PLD6: variants seen among roughly 807,000 people sequenced by gnomAD.
The protein encoded by PLD6 is phospholipase D family member 6, also known as mitochondrial cardiolipin hydrolase.
Under a neutral mutation model 9.7 loss-of-function variants are expected in PLD6, and 10 were observed. The observed-to-expected ratio is 1.03, with a 90% CI of 0.64 to 1.75. The LOEUF is 1.75. Ranked by LOEUF, PLD6 falls within the 40% of genes most tolerant of loss-of-function variation. The pLI, the probability that PLD6 is intolerant of heterozygous loss-of-function variation, is 0.00. For synonymous variants in PLD6, 152 were observed against 159.2 expected (o/e 0.96, Z 0.34); for missense variants, 334 against 347.6 (o/e 0.96, Z 0.31).
chr17:17,206,091 G>A lies in PLD6; in HGVS notation c.196C>T (p.Pro66Ser), dbSNP rs767216639. ...GGCAGGCCGCACGGGCAGCCCTCGG[G>A]GAGCTCGGCCAGCTCCGCGCCCGGA... The part of the protein sequence containing the change: ...RAPGAELAEL[P>S]EGCPCGLPHG... Residue 66 changes from proline (P) to serine (S), a missense_variant, in exon 1 of 2, where the codon CCC becomes TCC. By Grantham distance (74) the Pro-to-Ser change is moderately conservative. Coordinates refer to ENST00000321560, the MANE Select transcript of PLD6 (RefSeq NM_178836.4). 4.0e-6 allele frequency: 6 copies of A among 1,490,000 alleles called. No homozygotes were observed. The highest frequency in any genetic ancestry group is 2.3e-5 in the Admixed American group (1 of 43,342). The allele number at this position is 1,490,000 out of a possible 1,614,324, so 92.3% of individuals were successfully genotyped here. A position where few individuals can be genotyped will look rare whatever the true frequency, so the allele number is the denominator to read the frequency against.
Position 17,206,282 on chromosome 17 carries a change from C to CCCATGCCGCCGCTAATCCGGGACCCACAG in PLD6, c.-25_4dup (p.Gly2AlafsTer13), listed in dbSNP as rs751607906. The CCCATGCCGCCGCTAATCCGGGACCCACAG allele has an allele frequency of 1.4e-4, 208 of 1,533,052 alleles. No individual in the cohort carries two copies. Among genetic ancestry groups the CCCATGCCGCCGCTAATCCGGGACCCACAG allele is most frequent in the Non-Finnish European group, 1.8e-4 (204 of 1,151,462 alleles). The allele number at this position is 1,533,052 out of a possible 1,614,324, so 95.0% of individuals were successfully genotyped here. A position where few individuals can be genotyped will look rare whatever the true frequency, so the allele number is the denominator to read the frequency against. On this transcript the variant is annotated frameshift_variant, in exon 1 of 2. Transcript: ENST00000321560. LOFTEE classifies it high-confidence loss of function. ...GGCCGCCACCTGCCAACTCAACCGT[C>CCCATGCCGCCGCTAATCCGGGACCCACAG]CCATGCCGCCGCTAATCCGGGACCC...
At chr17:17,205,738 A>T (rs758613218) in intron 1 of PLD6, 122 bp downstream of exon 1, 457 of 1,171,402 alleles carry the variant, frequency 3.9e-4, no homozygotes, top group Non-Finnish European at 3.7e-4. Flanking sequence ...CCACAAGGCC[A>T]CGAGGAAAGT....
In PLD6 at chr17:17,206,312, C is replaced by A; in HGVS notation, c.-26G>T. The A allele has an allele frequency of 1.0e-5, 15 of 1,501,654 alleles. No homozygotes were observed. Among genetic ancestry groups the A allele is most frequent in the Non-Finnish European group, 1.3e-5 (15 of 1,136,286 alleles). 93.0% of individuals were successfully genotyped at this position (1,501,654 alleles called of 1,614,324 possible). On this transcript the variant is annotated 5_prime_UTR_variant, in exon 1 of 2. Coordinates refer to ENST00000321560, the MANE Select transcript of PLD6 (RefSeq NM_178836.4). Reference sequence around the variant, plus strand: ...GCCGCCGCTAATCCGGGACCCACAGCCACGCCGCCGCAGCGGAGTCTGCGC... The same window carrying A: ...GCCGCCGCTAATCCGGGACCCACAGACACGCCGCCGCAGCGGAGTCTGCGC...
chr17:17,205,476 A>T (rs1023012108), intron 1 of PLD6, among the ~76,000 whole-genome samples: 2 of 152,166 alleles, frequency 1.3e-5, no homozygotes, highest in African/African-American at 4.8e-5. Context: ...GATCTCCGGC[A>T]GCGTAGGAGG....
intron 1 of PLD6, among the ~76,000 whole-genome samples, chr17:17,203,337 G>C (rs909073336): frequency 2.0e-5 from 3 of 152,204 alleles, no homozygotes; most frequent in African/African-American, 7.2e-5. Flanking sequence ...GCAGGCCGTG[G>C]TCTGGGTGAG....
At position 17,202,766 on chromosome 17, in the gene PLD6, G is replaced by C. The variant is rs770101410; in HGVS notation, c.*1C>G. The C allele has an allele frequency of 2.2e-5, 35 of 1,611,400 alleles. No homozygotes were observed. Among genetic ancestry groups the C allele is most frequent in the Non-Finnish European group, 2.9e-5 (34 of 1,178,382 alleles). On this transcript the variant is annotated 3_prime_UTR_variant, in exon 2 of 2. Transcript: ENST00000321560. ...CAGGGAGGGCTCAGCCCCATTCTTGGTTAGGTTTGGCTTTCGCTGGAGGTG... is the reference window on the plus strand; with the variant it reads ...CAGGGAGGGCTCAGCCCCATTCTTGCTTAGGTTTGGCTTTCGCTGGAGGTG...
At chr17:17,203,813 T>C (rs1419830949) in intron 1 of PLD6, among the ~76,000 whole-genome samples, 1 of 152,212 alleles carries the variant, frequency 6.6e-6, no homozygotes, top group Non-Finnish European at 1.5e-5. Context: ...TGGAACACAG[T>C]TGCCAGATTT....
At position 17,202,822 on chromosome 17, in the gene PLD6, C is replaced by T; in HGVS notation, c.704G>A (p.Gly235Glu). ...AGTTCTGTGCCATGAAAGCAATCTC[C>T]CTCCAGCTCTGGAGACAGGTGGGGC... ...SCAPPVSRAG[G>E]RLLSWHRTCG... The change falls in exon 2 of 2, where the codon GGG becomes GAG. Residue 235 changes from glycine (G) to glutamate (E), a missense_variant. Coordinates refer to ENST00000321560, the MANE Select transcript of PLD6 (RefSeq NM_178836.4). 6.2e-7 allele frequency: 1 copy of T among 1,614,166 alleles called. No individual in the cohort carries two copies. Among genetic ancestry groups the T allele is most frequent in the South Asian group, 1.1e-5 (1 of 91,084 alleles).
chr17:17,203,560 T>G (rs1386287574), intron 1 of PLD6, among the ~76,000 whole-genome samples: 2 of 142,850 alleles, frequency 1.4e-5, no homozygotes, highest in African/African-American at 5.3e-5. Context: ...TGGCACAACC[T>G]CGGCCACCAA....
rs1000032971 is a variant in PLD6 at position 17,202,051 on chromosome 17, T to C, written c.*716A>G. The C allele has an allele frequency of 1.3e-5, 2 of 152,274 alleles. No individual in the cohort carries two copies. Among genetic ancestry groups the C allele is most frequent in the African/African-American group, 4.8e-5 (2 of 41,472 alleles). The allele number at this position is 152,274 out of a possible 1,614,324, so 9.4% of individuals were successfully genotyped here. On this transcript the variant is annotated 3_prime_UTR_variant, in exon 2 of 2. Transcript: ENST00000321560. ...AAAAGCCCAACATAGAAACAGCTGC[T>C]GGCCATCAGTCCTGACAGACCACAG...
Position 17,206,017 on chromosome 17 carries a change from G to C in PLD6, c.270C>G (p.Ala90=). ...LSRLLRALLA[A]RASLDLCLFA... is the part of the protein sequence containing the mutation. ...ACAGGCAGAGATCCAGGCTGGCGCG[G>C]GCGGCCAGCAGGGCACGCAGCAGGC... Residue 90 remains alanine, a synonymous_variant, in exon 1 of 2, where the codon GCC becomes GCG. Coordinates refer to ENST00000321560, the MANE Select transcript of PLD6 (RefSeq NM_178836.4). 6.5e-7 allele frequency: 1 copy of C among 1,544,010 alleles called. No homozygotes were observed. The highest frequency in any genetic ancestry group is 8.7e-7 in the Non-Finnish European group (1 of 1,148,218).
At chr17:17,203,619 G>T (rs2046692937) in intron 1 of PLD6, among the ~76,000 whole-genome samples, 2 of 152,038 alleles carry the variant, frequency 1.3e-5, no homozygotes, top group Admixed American at 1.3e-4. Context: ...CTCCTCTTCC[G>T]CACCCCCCTG....
At chr17:17,203,144 C>T (rs756079987) in intron 1 of PLD6, 46 bp from the exon 2 acceptor site, 3 of 1,571,566 alleles carry the variant, frequency 1.9e-6, no homozygotes, top group Non-Finnish European at 2.6e-6. Flanking sequence ...GAGTCCCGCC[C>T]CCAGTGTGGA....
rs1378520125 is a variant in PLD6 at position 17,202,660 on chromosome 17, G to A, written c.*107C>T. On this transcript the variant is annotated 3_prime_UTR_variant, in exon 2 of 2. Coordinates refer to ENST00000321560, the MANE Select transcript of PLD6 (RefSeq NM_178836.4). ...TCCTAACCTTCTTTAGTTCAATTTA[G>A]TATTCTAATAGACGAGACTTTAGTT... 1.8e-6 allele frequency: 2 copies of A among 1,082,486 alleles called. No homozygotes were observed. The allele number at this position is 1,082,486 out of a possible 1,614,324, so 67.1% of individuals were successfully genotyped here. A position where few individuals can be genotyped will look rare whatever the true frequency, so the allele number is the denominator to read the frequency against.
Position 17,202,950 on chromosome 17 carries a change from G to C in PLD6, c.576C>G (p.Asp192Glu), listed in dbSNP as rs150565127. 6 of 1,614,032 alleles carry C rather than the reference G, an allele frequency of 3.7e-6. No individual in the cohort carries two copies. Among genetic ancestry groups the C allele is most frequent in the Non-Finnish European group, 4.2e-6 (5 of 1,180,040 alleles). The change falls in exon 2 of 2, where the codon GAC becomes GAG. Residue 192 changes from aspartate to glutamate, a missense_variant. Coordinates refer to ENST00000321560, the MANE Select transcript of PLD6 (RefSeq NM_178836.4). The stretch of plus-strand genomic sequence containing the variant: ...CTTCCAGAAAAAGCCGCACGTACTC[G>C]TCGTCCTCCGTGATGAGAACATTCT... ...NRENVLITED[D>E]EYVRLFLEEF...
rs1193121317 is a variant in PLD6, at chr17:17,202,100, G to T, written c.*667C>A. 3 of 152,912 alleles carry T rather than the reference G, an allele frequency of 2.0e-5. No homozygotes were observed. The highest frequency in any genetic ancestry group is 4.4e-5 in the Non-Finnish European group (3 of 68,538). The allele number at this position is 152,912 out of a possible 1,614,324, so 9.5% of individuals were successfully genotyped here. On this transcript the variant is annotated 3_prime_UTR_variant, in exon 2 of 2. Coordinates refer to ENST00000321560, the MANE Select transcript of PLD6 (RefSeq NM_178836.4). Reference sequence around the variant, plus strand: ...AGCACTTACTACCCAAGGACAGGCTGCTGAAGAGCTTGGCACTGGCGTGCA... The same window carrying T: ...AGCACTTACTACCCAAGGACAGGCTTCTGAAGAGCTTGGCACTGGCGTGCA...
At chr17:17,205,246 A>C (rs989457124) in intron 1 of PLD6, among the ~76,000 whole-genome samples, 7 of 152,202 alleles carry the variant, frequency 4.6e-5, no homozygotes, top group Admixed American at 3.9e-4. Flanking sequence ...CGCCCCCGCC[A>C]GAAATATGTG....
At position 17,206,319 on chromosome 17, in the gene PLD6, G is replaced by A. The variant is rs766129625; in HGVS notation, c.-33C>T. ...CTAATCCGGGACCCACAGCCACGCCGCCGCAGCGGAGTCTGCGCGCCCCCA... is the reference window on the plus strand; with the variant it reads ...CTAATCCGGGACCCACAGCCACGCCACCGCAGCGGAGTCTGCGCGCCCCCA... On this transcript the variant is annotated 5_prime_UTR_variant, in exon 1 of 2. Transcript: ENST00000321560. 3 of 1,489,552 alleles carry A rather than the reference G, an allele frequency of 2.0e-6. No individual in the cohort carries two copies. The highest frequency in any genetic ancestry group is 2.4e-4 in the Middle Eastern group (1 of 4,220). The allele number at this position is 1,489,552 out of a possible 1,614,324, so 92.3% of individuals were successfully genotyped here. A position where few individuals can be genotyped will look rare whatever the true frequency, so the allele number is the denominator to read the frequency against.
rs751367211 is a variant in PLD6, at chr17:17,206,322, G to T, written c.-36C>A. Reference sequence around the variant, plus strand: ...ATCCGGGACCCACAGCCACGCCGCCGCAGCGGAGTCTGCGCGCCCCCAGCC... The same window carrying T: ...ATCCGGGACCCACAGCCACGCCGCCTCAGCGGAGTCTGCGCGCCCCCAGCC... On this transcript the variant is annotated 5_prime_UTR_variant, in exon 1 of 2. Coordinates refer to ENST00000321560, the MANE Select transcript of PLD6 (RefSeq NM_178836.4). The T allele has an allele frequency of 1.1e-5, 17 of 1,484,946 alleles. No homozygotes were observed. Among genetic ancestry groups the T allele is most frequent in the South Asian group, 6.4e-5 (5 of 77,940 alleles). The allele number at this position is 1,484,946 out of a possible 1,614,324, so 92.0% of individuals were successfully genotyped here.
Sources: allele counts gnomAD v4.1 joint callset (sites outside exome capture counted in the v4.1 genomes callset), GRCh38; gene constraint gnomAD v4.1.1; transcripts MANE v1.5; gene names NCBI Gene and HGNC (gene_info 2026-07-23, HGNC 2026-07-21).